Variants in CCBE1 observed in about 807,000 individuals in gnomAD.
CCBE1 encodes the protein collagen and calcium binding EGF domains 1, also known as collagen and calcium-binding EGF domain-containing protein 1.
A neutral mutation model predicts 50.0 loss-of-function variants in CCBE1; 37 were observed. The ratio of observed to expected loss-of-function variants is 0.74; its 90% CI spans 0.57 to 0.97. CCBE1 has a LOEUF of 0.97. CCBE1 is among the 50% of genes least tolerant of loss of function. The probability of loss-of-function intolerance (pLI) is 0.00; values close to 1 mark genes in which losing one functional copy is unlikely to be tolerated. For synonymous variants in CCBE1, 234 were observed against 203.7 expected (o/e 1.15, Z -1.27); for missense variants, 538 against 523.8 (o/e 1.03, Z -0.26).
rs2052695449 is a variant in CCBE1 at position 59,559,128 on chromosome 18, C to T, written c.213-78890G>A. ...ATGGTACTCAGTGGCAGTGGTGCTG[C>T]TTGGATGAGCCCCAGTGGAAATATG... On this transcript the variant is annotated intron_variant, in intron 2 of 10. Transcript: ENST00000439986. Among the ~76,000 whole-genome samples the T allele has an allele frequency of 2.6e-5, 4 of 152,294 alleles. No individual in the cohort carries two copies. In the South Asian group the frequency reaches 8.3e-4, roughly 32 times the overall value.
chr18:59,482,531 A>G (rs1171883530), intron 2 of CCBE1, among the ~76,000 whole-genome samples: 1 of 152,210 alleles, frequency 6.6e-6, no homozygotes, highest in East Asian at 1.9e-4. Flanking sequence ...AATAGCAAAG[A>G]CTTGCTCTGA....
At chr18:59,526,349 G>A (rs541470551) in intron 2 of CCBE1, among the ~76,000 whole-genome samples, 103 of 149,330 alleles carry the variant, frequency 6.9e-4, no homozygotes, top group Middle Eastern at 6.9e-3. Flanking sequence ...TCACTCTGTC[G>A]GCACGGCTGG....
chr18:59,614,904 C>CCA (rs1213474660), intron 2 of CCBE1, among the ~76,000 whole-genome samples: 2 of 152,192 alleles, frequency 1.3e-5, no homozygotes, highest in Non-Finnish European at 2.9e-5. Context: ...TTATGTCCTC[C>CCA]CACACCTCTA....
intron 2 of CCBE1, among the ~76,000 whole-genome samples, chr18:59,592,990 G>A (rs2053295888): frequency 6.6e-6 from 1 of 152,162 alleles, no homozygotes; most frequent in Non-Finnish European, 1.5e-5. Flanking sequence ...AAATTTTAGA[G>A]ATCAGTGATG....
chr18:59,528,289 G>A (rs1048017416), intron 2 of CCBE1, among the ~76,000 whole-genome samples: 1 of 151,880 alleles, frequency 6.6e-6, no homozygotes, highest in Non-Finnish European at 1.5e-5. Flanking sequence ...TACTTGTGAA[G>A]TTCTCATGTT....
At chr18:59,665,834 T>G (rs1172992748) in intron 2 of CCBE1, among the ~76,000 whole-genome samples, 1 of 152,148 alleles carries the variant, frequency 6.6e-6, no homozygotes, top group Non-Finnish European at 1.5e-5. Context: ...GCTATTACTG[T>G]CAGCTGAGAA....
At chr18:59,576,050 T>C (rs2052990388) in intron 2 of CCBE1, among the ~76,000 whole-genome samples, 1 of 152,246 alleles carries the variant, frequency 6.6e-6, no homozygotes, top group South Asian at 2.1e-4. Flanking sequence ...CCTTTTTCAC[T>C]TGGCATCATG....
intron 4 of CCBE1, among the ~76,000 whole-genome samples, chr18:59,468,975 G>A (rs1911891120): frequency 6.6e-6 from 1 of 152,138 alleles, no homozygotes; most frequent in Non-Finnish European, 1.5e-5. Context: ...GCACGGCTGG[G>A]ATAGCCAGTT....
At chr18:59,692,007 G>T (rs1354035138) in intron 2 of CCBE1, among the ~76,000 whole-genome samples, 1 of 152,178 alleles carries the variant, frequency 6.6e-6, no homozygotes, top group Non-Finnish European at 1.5e-5. Context: ...TTGTTAGTCA[G>T]GGAGGTAGCA....
intron 2 of CCBE1, among the ~76,000 whole-genome samples, chr18:59,622,338 A>C (rs1048362619): frequency 6.6e-6 from 1 of 152,234 alleles, no homozygotes; most frequent in East Asian, 1.9e-4. Flanking sequence ...TCTACCAAAA[A>C]TACAAAAGTT....
chr18:59,584,644 C>G (rs1250576426), intron 2 of CCBE1, among the ~76,000 whole-genome samples: 1 of 152,088 alleles, frequency 6.6e-6, no homozygotes, highest in Non-Finnish European at 1.5e-5. Context: ...ATCTGGTTGT[C>G]TAAACTGTTT....
chr18:59,536,662 G>T (rs1331270733), intron 2 of CCBE1, among the ~76,000 whole-genome samples: 1 of 152,054 alleles, frequency 6.6e-6, no homozygotes, highest in East Asian at 1.9e-4. Context: ...TATTCAACAG[G>T]CATCTCCATT....
chr18:59,666,484 A>G (rs1399055353), intron 2 of CCBE1, among the ~76,000 whole-genome samples: 2 of 152,174 alleles, frequency 1.3e-5, no homozygotes, highest in African/African-American at 4.8e-5. Flanking sequence ...CTGGCAGCAT[A>G]AGCCAGCAAC....
chr18:59,514,520 C>T (rs759382116), intron 2 of CCBE1, among the ~76,000 whole-genome samples: 2 of 152,020 alleles, frequency 1.3e-5, no homozygotes, highest in East Asian at 1.9e-4. Flanking sequence ...GCCCAGACTC[C>T]GAGGTTGGAG....
chr18:59,647,917 C>T (rs184397599), intron 2 of CCBE1, among the ~76,000 whole-genome samples: 82 of 152,278 alleles, frequency 5.4e-4, no homozygotes, highest in African/African-American at 1.9e-3. Context: ...AAGTTATCTA[C>T]TAGATTATTC....
At position 59,447,996 on chromosome 18, in the gene CCBE1, G is replaced by A. The variant is rs762866647; in HGVS notation, c.762C>T (p.Gly254=). The A allele has an allele frequency of 5.0e-6, 8 of 1,614,032 alleles. No individual in the cohort carries two copies. In the South Asian group the frequency reaches 5.5e-5, roughly 11 times the overall value. The change falls in exon 7 of 11, where the codon GGC becomes GGT. Residue 254 remains glycine, a synonymous_variant. Transcript: ENST00000439986. ...TTCCACACTCACCGGGAGGGCCCTG[G>A]CCCCCAGGCAGGCCAGGAGGTCCTG... The part of the protein sequence containing the change: ...YLPGPPGLPG[G]QGPPGSPGPK...
intron 2 of CCBE1, among the ~76,000 whole-genome samples, chr18:59,505,323 G>A (rs188564175): frequency 3.7e-4 from 57 of 152,238 alleles, no homozygotes; most frequent in Admixed American, 1.2e-3. Flanking sequence ...GACCAGGGAC[G>A]CCATCCTTGA....
intron 2 of CCBE1, among the ~76,000 whole-genome samples, chr18:59,591,975 C>T (rs915146234): frequency 6.6e-6 from 1 of 152,166 alleles, no homozygotes; most frequent in African/African-American, 2.4e-5. Context: ...TGACATGATG[C>T]CCCAGATAGA....
chr18:59,689,935 T>C (rs564375796), intron 2 of CCBE1, among the ~76,000 whole-genome samples: 35 of 152,298 alleles, frequency 2.3e-4, no homozygotes, highest in African/African-American at 8.2e-4. Flanking sequence ...GGATTTCTGT[T>C]GCTGAAAGGA....
Sources: allele counts gnomAD v4.1 joint callset (sites outside exome capture counted in the v4.1 genomes callset), GRCh38; gene constraint gnomAD v4.1.1; transcripts MANE v1.5; gene names NCBI Gene and HGNC (gene_info 2026-07-23, HGNC 2026-07-21).